The following CMSS1 variants were observed in gnomAD, a reference collection of about 807,000 sequenced individuals.
CMSS1 encodes protein CMSS1.
CMSS1 carries 33 observed loss-of-function variants against 43.5 expected under a neutral mutation model. The observed-to-expected ratio is 0.76, with a 90% CI of 0.57 to 1.01. CMSS1 has a LOEUF of 1.01. Ranked by LOEUF, CMSS1 falls within the 50% of genes least tolerant of loss-of-function variation. The pLI, the probability that CMSS1 is intolerant of heterozygous loss-of-function variation, is 0.00. For synonymous variants in CMSS1, 115 were observed against 117.2 expected (o/e 0.98, Z 0.12); for missense variants, 313 against 326.4 (o/e 0.96, Z 0.32).
At chr3:99,966,367 G>GCCTGAAC (rs1234023711) in intron 1 of CMSS1, among the ~76,000 whole-genome samples, 1 of 152,034 alleles carries the variant, frequency 6.6e-6, no homozygotes, top group Admixed American at 6.5e-5. Flanking sequence ...TCCATCTGAA[G>GCCTGAAC]CCTGAACCCT....
At chr3:100,039,909 A>G (rs1218627336) in intron 1 of CMSS1, 3 of 152,032 alleles carry the variant, frequency 2.0e-5, no homozygotes, top group Admixed American at 1.3e-4. Context: ...GCCCGCCACC[A>G]TGCCCGGCTA....
At position 99,866,170 on chromosome 3, in the gene CMSS1, TG is replaced by T. The variant is rs1187166653; in HGVS notation, c.64+48128del. 2.0e-5 allele frequency among the ~76,000 whole-genome samples: 3 copies of T among 151,966 alleles called. No individual in the cohort carries two copies. In the East Asian group the frequency reaches 5.8e-4, roughly 29 times the overall value. ...AAAGTTAAAACTTTTTTTAAGCCTG[TG>T]TTTTTTTTTTTAAAGGCTTTCCTTT... On this transcript the variant is annotated intron_variant, in intron 1 of 9. Transcript: ENST00000421999.
At chr3:99,825,979 C>G (rs1456789018) in intron 1 of CMSS1, among the ~76,000 whole-genome samples, 1 of 151,622 alleles carries the variant, frequency 6.6e-6, no homozygotes, top group Non-Finnish European at 1.5e-5. Context: ...GGTTTCACCA[C>G]GTTAGGCAGG....
intron 8 of CMSS1, among the ~76,000 whole-genome samples, chr3:100,173,431 C>A (rs2067126095): frequency 6.6e-6 from 1 of 152,152 alleles, no homozygotes. Flanking sequence ...TTAAGTCACC[C>A]TCCCCAAGGT....
At chr3:99,945,062 T>A (rs1707967625) in intron 1 of CMSS1, among the ~76,000 whole-genome samples, 1 of 152,132 alleles carries the variant, frequency 6.6e-6, no homozygotes, top group South Asian at 2.1e-4. Flanking sequence ...TCATCAAGAA[T>A]CATCAAAAAG....
intron 1 of CMSS1, among the ~76,000 whole-genome samples, chr3:99,904,289 T>C (rs1037510699): frequency 2.0e-5 from 3 of 152,246 alleles, no homozygotes; most frequent in African/African-American, 4.8e-5. Flanking sequence ...GTATTTTTGT[T>C]CCTAATCTTG....
At chr3:99,973,661 A>G (rs1708887533) in intron 1 of CMSS1, among the ~76,000 whole-genome samples, 1 of 152,200 alleles carries the variant, frequency 6.6e-6, no homozygotes, top group Non-Finnish European at 1.5e-5. Context: ...CCACTTCTGT[A>G]AGAAGAATAA....
At chr3:99,928,979 C>T (rs770909168) in intron 1 of CMSS1, among the ~76,000 whole-genome samples, 3 of 152,152 alleles carry the variant, frequency 2.0e-5, no homozygotes, top group Admixed American at 6.5e-5. Flanking sequence ...ATACTAAAGA[C>T]GAGAATAGCA....
At chr3:100,090,387 C>A (rs776523651) in intron 1 of CMSS1, among the ~76,000 whole-genome samples, 9 of 152,288 alleles carry the variant, frequency 5.9e-5, no homozygotes, top group African/African-American at 2.2e-4. Context: ...TCATGCTGGT[C>A]GTGATTTTTC....
At chr3:99,851,212 A>G (rs1358344340) in intron 1 of CMSS1, 3 of 618,254 alleles carry the variant, frequency 4.9e-6, no homozygotes, top group Non-Finnish European at 7.6e-6. Context: ...GAGTTCCTGA[A>G]TTTGATGACA....
At chr3:99,902,835 G>A (rs1706480187) in intron 1 of CMSS1, among the ~76,000 whole-genome samples, 1 of 152,172 alleles carries the variant, frequency 6.6e-6, no homozygotes, top group African/African-American at 2.4e-5. Flanking sequence ...ACTTCCATGT[G>A]AAGATAGTCT....
intron 1 of CMSS1, among the ~76,000 whole-genome samples, chr3:99,841,361 A>G (rs1943122938): frequency 1.3e-5 from 2 of 152,224 alleles, no homozygotes; most frequent in South Asian, 4.1e-4. Flanking sequence ...GTGGCAGAAA[A>G]ATAATGTAGA....
rs376152240 is a variant in CMSS1 at position 100,156,605 on chromosome 3, C to G, written c.154-3825C>G. Reference sequence around the variant, plus strand: ...TACAGGCGTGAGCCACCACGCGCAGCCTTTTTGTTTGTTTTTGTTTTTGTT... The same window carrying G: ...TACAGGCGTGAGCCACCACGCGCAGGCTTTTTGTTTGTTTTTGTTTTTGTT... On this transcript the variant is annotated intron_variant, in intron 2 of 9. Transcript: ENST00000421999. 1.7e-4 allele frequency among the ~76,000 whole-genome samples: 26 copies of G among 151,694 alleles called. No homozygotes were observed. The South Asian group carries it at 2.3e-3, about 13-fold the overall frequency.
intron 1 of CMSS1, among the ~76,000 whole-genome samples, chr3:100,095,362 A>T (rs780254513): frequency 4.6e-5 from 7 of 152,198 alleles, no homozygotes; most frequent in Non-Finnish European, 8.8e-5. Context: ...TTGGCCCTTC[A>T]TACCCTTGGG....
At chr3:99,848,381 C>T in intron 1 of CMSS1, 1 of 1,614,100 alleles carries the variant, frequency 6.2e-7, no homozygotes, top group Non-Finnish European at 8.5e-7. Flanking sequence ...TTGTTTAGTG[C>T]CCCGTTAATT....
At chr3:100,112,132 C>A (rs925696516) in intron 1 of CMSS1, among the ~76,000 whole-genome samples, 1 of 152,158 alleles carries the variant, frequency 6.6e-6, no homozygotes, top group African/African-American at 2.4e-5. Flanking sequence ...TATAACTAAA[C>A]AAACTTACTG....
At chr3:100,177,987 C>T (rs1410315965) in intron 9 of CMSS1, among the ~76,000 whole-genome samples, 2 of 152,136 alleles carry the variant, frequency 1.3e-5, no homozygotes, top group Non-Finnish European at 2.9e-5. Context: ...GGTATCATGG[C>T]ACACACCTCT....
intron 1 of CMSS1, among the ~76,000 whole-genome samples, chr3:100,057,092 G>A (rs2065478276): frequency 6.6e-6 from 1 of 152,198 alleles, no homozygotes; most frequent in Non-Finnish European, 1.5e-5. Context: ...CAGGGCAGGA[G>A]ATTTTAATGG....
chr3:99,836,496 G>C (rs184455436), intron 1 of CMSS1, among the ~76,000 whole-genome samples: 1 of 152,154 alleles, frequency 6.6e-6, no homozygotes, highest in Admixed American at 6.5e-5. Context: ...TAGAGAAATT[G>C]TTGATACTAC....
Sources: gnomAD v4.1 joint callset for allele counts (sites outside exome capture counted in the v4.1 genomes callset) on GRCh38, gnomAD v4.1.1 for gene constraint, MANE v1.5 for transcripts, NCBI Gene and HGNC (gene_info 2026-07-23, HGNC 2026-07-21) for gene names.